PRKCE: variants seen among roughly 807,000 people sequenced by gnomAD.
The protein encoded by PRKCE is protein kinase C epsilon type.
PRKCE carries 16 observed loss-of-function variants against 85.4 expected under a neutral mutation model. The ratio of observed to expected loss-of-function variants is 0.19; its 90% CI spans 0.13 to 0.28. The LOEUF (loss-of-function observed/expected upper bound fraction) is 0.28, where lower values mean the gene tolerates loss of function less well. Ranked by LOEUF, PRKCE falls within the 10% of genes least tolerant of loss-of-function variation. The pLI, the probability that PRKCE is intolerant of heterozygous loss-of-function variation, is 1.00. For missense variants in PRKCE, 573 were observed against 975.2 expected (o/e 0.59, Z 5.49); for synonymous variants, 388 against 371.5 (o/e 1.04, Z -0.51).
intron 1 of PRKCE, among the ~76,000 whole-genome samples, chr2:45,805,504 G>T (rs1322484397): frequency 1.3e-5 from 2 of 152,124 alleles, no homozygotes; most frequent in African/African-American, 2.4e-5. Context: ...GACAGGTGTG[G>T]GTCCTACAGT....
At chr2:45,740,873 T>C (rs1410205288) in intron 1 of PRKCE, among the ~76,000 whole-genome samples, 1 of 152,230 alleles carries the variant, frequency 6.6e-6, no homozygotes, top group East Asian at 1.9e-4. Flanking sequence ...TACAGAGTGG[T>C]TTGTGAAGTT....
chr2:45,763,111 C>T (rs1405537959), intron 1 of PRKCE, among the ~76,000 whole-genome samples: 1 of 152,130 alleles, frequency 6.6e-6, no homozygotes, highest in Non-Finnish European at 1.5e-5. Context: ...CCTGCCACCA[C>T]ACCCGGCTAA....
chr2:46,088,777 C>G (rs947846439), intron 11 of PRKCE, among the ~76,000 whole-genome samples: 2 of 152,112 alleles, frequency 1.3e-5, no homozygotes, highest in African/African-American at 4.8e-5. Context: ...AGATGCCTTC[C>G]CCATCTCTAA....
At chr2:46,176,159 A>G (rs1428291360) in intron 14 of PRKCE, among the ~76,000 whole-genome samples, 1 of 152,172 alleles carries the variant, frequency 6.6e-6, no homozygotes, top group Non-Finnish European at 1.5e-5. Context: ...CCAAAGTACA[A>G]AGATAAGGGT....
rs748562237 is a variant in PRKCE, at chr2:46,151,042, T to A, written c.1733T>A (p.Ile578Asn). The change falls in exon 13 of 15, where the codon ATC becomes AAC. Residue 578 changes from isoleucine (I) to asparagine (N), a missense_variant and splice_region_variant. Physicochemically the swap from Ile to Asn is moderately radical, Grantham distance 149. Transcript: ENST00000306156. ...CGTPDYIAPE[I>N]LQELEYGPSV... The stretch of plus-strand genomic sequence containing the variant: ...TGACATTGCTGGTTTCCTGAACAGA[T>A]CCTGCAGGAGTTGGAGTATGGCCCC... 1 of 1,597,282 alleles carries A rather than the reference T, an allele frequency of 6.3e-7. No individual in the cohort carries two copies. Among genetic ancestry groups the A allele is most frequent in the Non-Finnish European group, 8.5e-7 (1 of 1,178,284 alleles).
chr2:45,863,824 G>T (rs1018150470), intron 2 of PRKCE, among the ~76,000 whole-genome samples: 12 of 152,018 alleles, frequency 7.9e-5, no homozygotes, highest in African/African-American at 2.9e-4. Context: ...AGCTCTCAGG[G>T]TGGGAAGGGC....
At chr2:46,092,724 C>T (rs1347288882) in intron 11 of PRKCE, among the ~76,000 whole-genome samples, 4 of 152,146 alleles carry the variant, frequency 2.6e-5, no homozygotes, top group African/African-American at 9.7e-5. Flanking sequence ...GCTGTGCCCT[C>T]CAAACCAGGC....
At chr2:45,735,229 C>T (rs1681953150) in intron 1 of PRKCE, among the ~76,000 whole-genome samples, 1 of 152,242 alleles carries the variant, frequency 6.6e-6, no homozygotes, top group Non-Finnish European at 1.5e-5. Context: ...TGCCATATCT[C>T]CCACCACTAG....
intron 11 of PRKCE, among the ~76,000 whole-genome samples, chr2:46,108,629 G>A (rs1451437724): frequency 1.3e-5 from 2 of 152,140 alleles, no homozygotes; most frequent in African/African-American, 4.8e-5. Context: ...TAGCAAAATT[G>A]CATTTCTACC....
At position 45,976,594 on chromosome 2, in the gene PRKCE, C is replaced by G. The variant is rs759476975; in HGVS notation, c.572+6C>G. ...CATTGCAGAGACTTCATCTGGTAAG[C>G]CTTTCTCTTGGGAACCTCTAATTAC... On this transcript the variant is annotated splice_donor_region_variant and intron_variant, in intron 3 of 14. Transcript: ENST00000306156. 1.0e-5 allele frequency: 16 copies of G among 1,599,148 alleles called. No individual in the cohort carries two copies. The highest frequency in any genetic ancestry group is 1.2e-5 in the Non-Finnish European group (14 of 1,179,628).
intron 7 of PRKCE, among the ~76,000 whole-genome samples, chr2:46,002,512 T>C (rs1174592049): frequency 6.6e-6 from 1 of 152,250 alleles, no homozygotes; most frequent in East Asian, 1.9e-4. Flanking sequence ...GGCTCTTCCA[T>C]GTTGCTTCTC....
rs1212798018 is a variant in PRKCE, at chr2:45,739,432, G to A, written c.348+86984G>A. On this transcript the variant is annotated intron_variant, in intron 1 of 14. Coordinates refer to ENST00000306156, the MANE Select transcript of PRKCE (RefSeq NM_005400.3). ...AAAGGGAACAGATTGTATATTTGGG[G>A]TTTCAACTTTCCTTTTTCTGTACCC... Among the ~76,000 whole-genome samples the A allele has an allele frequency of 3.3e-5, 5 of 152,140 alleles. No individual in the cohort carries two copies. The South Asian group carries it at 1.0e-3, about 32-fold the overall frequency.
At chr2:46,061,478 GA>G (rs1667116281) in intron 10 of PRKCE, among the ~76,000 whole-genome samples, 1 of 152,042 alleles carries the variant, frequency 6.6e-6, no homozygotes, top group Non-Finnish European at 1.5e-5. Context: ...CTGGGTGAGA[GA>G]AGAACCATTT....
Position 45,987,385 on chromosome 2 carries a change from A to G in PRKCE, c.823+2705A>G, listed in dbSNP as rs61756873. Among the ~76,000 whole-genome samples, 170 of 151,890 alleles carry G rather than the reference A, an allele frequency of 1.1e-3. 2 individuals carry two copies. The highest frequency in any genetic ancestry group is 3.9e-3 in the African/African-American group (160 of 41,394). Reference sequence around the variant, plus strand: ...CCCCAGCCAAAGTGTGCAGACTTTTACTCTTCTGTGGCTCTGATGTTATTA... The same window carrying G: ...CCCCAGCCAAAGTGTGCAGACTTTTGCTCTTCTGTGGCTCTGATGTTATTA... On this transcript the variant is annotated intron_variant, in intron 6 of 14. Coordinates refer to ENST00000306156, the MANE Select transcript of PRKCE (RefSeq NM_005400.3).
At chr2:46,142,459 G>A (rs945220121) in intron 11 of PRKCE, among the ~76,000 whole-genome samples, 2 of 152,212 alleles carry the variant, frequency 1.3e-5, no homozygotes, top group African/African-American at 4.8e-5. Flanking sequence ...GGTTTTATAT[G>A]GACAGTTAGA....
At chr2:45,880,135 C>T (rs868588925) in intron 2 of PRKCE, among the ~76,000 whole-genome samples, 2 of 152,328 alleles carry the variant, frequency 1.3e-5, no homozygotes, top group Middle Eastern at 3.4e-3. Context: ...CTTTTCTGCT[C>T]CTGGCTTATT....
intron 1 of PRKCE, among the ~76,000 whole-genome samples, chr2:45,792,965 A>C (rs376861591): frequency 2.0e-5 from 3 of 152,074 alleles, no homozygotes; most frequent in East Asian, 3.9e-4. Flanking sequence ...CTTCTGGCTA[A>C]TTTTTGTATT....
intron 10 of PRKCE, among the ~76,000 whole-genome samples, chr2:46,056,052 A>T (rs1285232031): frequency 1.3e-5 from 2 of 152,102 alleles, no homozygotes; most frequent in East Asian, 3.9e-4. Context: ...TCCTGGCTCT[A>T]CCACCAACAG....
At chr2:45,677,418 G>A (rs1014435249) in intron 1 of PRKCE, among the ~76,000 whole-genome samples, 4 of 144,870 alleles carry the variant, frequency 2.8e-5, no homozygotes, top group African/African-American at 7.8e-5. Context: ...CTGCAGTGGC[G>A]CAATCTCAGC....
Sources: allele counts gnomAD v4.1 joint callset (sites outside exome capture counted in the v4.1 genomes callset), GRCh38; gene constraint gnomAD v4.1.1; transcripts MANE v1.5; gene names NCBI Gene and HGNC (gene_info 2026-07-23, HGNC 2026-07-21).